PDE4D: variants seen among roughly 807,000 people sequenced by gnomAD.
PDE4D encodes 3',5'-cyclic-AMP phosphodiesterase 4D.
In PDE4D, 24 loss-of-function variants were observed where a neutral mutation model predicts 87.4. The ratio of observed to expected loss-of-function variants is 0.27; its 90% CI spans 0.20 to 0.39. PDE4D has a LOEUF of 0.39. Among genes scored for constraint, PDE4D ranks in the 10% least tolerant of loss-of-function variants. The probability of loss-of-function intolerance (pLI) is 1.00; values close to 1 mark genes in which losing one functional copy is unlikely to be tolerated. For synonymous variants in PDE4D, 384 were observed against 383.2 expected (o/e 1.00, Z -0.02); for missense variants, 714 against 1,041.0 (o/e 0.69, Z 4.32).
At chr5:59,006,692 T>C (rs1751687999) in intron 6 of PDE4D, among the ~76,000 whole-genome samples, 1 of 152,212 alleles carries the variant, frequency 6.6e-6, no homozygotes, top group Admixed American at 6.5e-5. Flanking sequence ...TTCCTTGTTT[T>C]CTCAGTCCTT....
intron 3 of PDE4D, among the ~76,000 whole-genome samples, chr5:59,948,140 A>C (rs1446476008): frequency 6.6e-6 from 1 of 152,202 alleles, no homozygotes; most frequent in Non-Finnish European, 1.5e-5. Context: ...AGTGCCACTA[A>C]TGTATTGTGA....
intron 1 of PDE4D, among the ~76,000 whole-genome samples, chr5:59,448,999 C>T (rs1285056642): frequency 6.6e-6 from 1 of 152,110 alleles, no homozygotes; most frequent in East Asian, 1.9e-4. Flanking sequence ...TTTTCTGCCT[C>T]CCATCCACAT....
chr5:59,642,661 T>C (rs532824118), intron 1 of PDE4D, among the ~76,000 whole-genome samples: 64 of 152,238 alleles, frequency 4.2e-4, no homozygotes, highest in African/African-American at 1.4e-3. Context: ...TGTGGAACTG[T>C]AAATCCAATT....
chr5:60,320,990 G>A (rs982066449), intron 1 of PDE4D, among the ~76,000 whole-genome samples: 4 of 152,058 alleles, frequency 2.6e-5, no homozygotes, highest in South Asian at 2.1e-4. Context: ...AGCAATTTAC[G>A]GATTCAATGC....
intron 1 of PDE4D, among the ~76,000 whole-genome samples, chr5:59,341,924 G>A (rs1311542444): frequency 1.3e-5 from 2 of 152,068 alleles, no homozygotes; most frequent in Admixed American, 6.5e-5. Context: ...CTAGTTTAAC[G>A]GCTATATATG....
intron 1 of PDE4D, among the ~76,000 whole-genome samples, chr5:59,479,451 T>C (rs1048113463): frequency 6.6e-6 from 1 of 152,128 alleles, no homozygotes; most frequent in Non-Finnish European, 1.5e-5. Flanking sequence ...GGTGAAATCA[T>C]ACGTATTTTC....
chr5:60,128,690 G>A (rs1779322765), intron 2 of PDE4D, among the ~76,000 whole-genome samples: 1 of 152,190 alleles, frequency 6.6e-6, no homozygotes, highest in African/African-American at 2.4e-5. Context: ...TGTTACAACA[G>A]TTAGTATTAA....
chr5:60,262,624 T>C lies in PDE4D; in HGVS notation c.-89-76937A>G, dbSNP rs543495396. 9.2e-5 allele frequency: 14 copies of C among 152,274 alleles called. 1 individual carries two copies. The highest frequency in any genetic ancestry group is 5.9e-4 in the Admixed American group (9 of 15,288). The allele number at this position is 152,274 out of a possible 1,614,324, so 9.4% of individuals were successfully genotyped here. ...CCTGTGACTTAACCTTAAAATACAA[T>C]GATTTAACAAAAGTACGTGATGAGA... is the stretch of plus-strand genomic sequence containing the variant. On this transcript the variant is annotated intron_variant, in intron 1 of 16. Coordinates refer to the PDE4D transcript ENST00000502484.
At chr5:59,543,346 C>T (rs1816691841) in intron 1 of PDE4D, among the ~76,000 whole-genome samples, 1 of 152,054 alleles carries the variant, frequency 6.6e-6, no homozygotes, top group African/African-American at 2.4e-5. Flanking sequence ...CATTTAGACT[C>T]AAATACTTGC....
At chr5:59,377,038 T>G (rs1359415582) in intron 1 of PDE4D, among the ~76,000 whole-genome samples, 2 of 152,126 alleles carry the variant, frequency 1.3e-5, no homozygotes, top group East Asian at 1.9e-4. Flanking sequence ...TCAAGATGTA[T>G]TAAATAGTTA....
chr5:59,348,484 A>C (rs1488853918), intron 1 of PDE4D, among the ~76,000 whole-genome samples: 2 of 152,134 alleles, frequency 1.3e-5, no homozygotes, highest in Non-Finnish European at 2.9e-5. Context: ...TACCACCTGA[A>C]GGAATAATCT....
intron 1 of PDE4D, among the ~76,000 whole-genome samples, chr5:59,657,474 C>T (rs1263423247): frequency 1.3e-5 from 2 of 152,064 alleles, no homozygotes; most frequent in Non-Finnish European, 2.9e-5. Context: ...AATCACTGAA[C>T]AGATTAAAGT....
At chr5:59,808,788 T>A (rs1768018309) in intron 1 of PDE4D, among the ~76,000 whole-genome samples, 1 of 152,090 alleles carries the variant, frequency 6.6e-6, no homozygotes, top group African/African-American at 2.4e-5. Context: ...TGCATTCTCT[T>A]AATGCCTGCA....
chr5:59,046,948 C>T (rs1561383946), intron 5 of PDE4D, among the ~76,000 whole-genome samples: 2 of 152,182 alleles, frequency 1.3e-5, no homozygotes. Context: ...CTCTATTCCA[C>T]TTCATACAAG....
At chr5:59,046,352 AAGG>A (rs1360839986) in intron 5 of PDE4D, among the ~76,000 whole-genome samples, 2 of 151,778 alleles carry the variant, frequency 1.3e-5, no homozygotes, top group East Asian at 1.9e-4. Flanking sequence ...GTGTAAGAGA[AAGG>A]AGTCAGCTTG....
chr5:60,361,801 A>G (rs1037828356), intron 1 of PDE4D, among the ~76,000 whole-genome samples: 10 of 152,246 alleles, frequency 6.6e-5, no homozygotes, highest in African/African-American at 2.4e-4. Context: ...CACAATGGAC[A>G]GACAGCATGA....
intron 1 of PDE4D, among the ~76,000 whole-genome samples, chr5:60,517,190 C>T (rs944289145): frequency 2.0e-5 from 3 of 152,228 alleles, no homozygotes; most frequent in Non-Finnish European, 4.4e-5. Context: ...CCTGTTGCCT[C>T]GGCCCCCTCC....
intron 2 of PDE4D, among the ~76,000 whole-genome samples, chr5:60,151,624 G>T (rs998447224): frequency 6.6e-6 from 1 of 152,088 alleles, no homozygotes; most frequent in African/African-American, 2.4e-5. Context: ...TACTGAATTT[G>T]CTTGTTTCAA....
intron 1 of PDE4D, among the ~76,000 whole-genome samples, chr5:59,892,702 G>C (rs1038254353): frequency 6.6e-6 from 1 of 151,986 alleles, no homozygotes; most frequent in Non-Finnish European, 1.5e-5. Flanking sequence ...CAGCCCCACC[G>C]ACCCTCTTCC....
Sources: gnomAD v4.1 joint callset for allele counts (sites outside exome capture counted in the v4.1 genomes callset) on GRCh38, gnomAD v4.1.1 for gene constraint, MANE v1.5 for transcripts, NCBI Gene and HGNC (gene_info 2026-07-23, HGNC 2026-07-21) for gene names.